The following PTPRD variants were observed in gnomAD, a reference collection of about 807,000 sequenced individuals.
The protein encoded by PTPRD is protein tyrosine phosphatase receptor type D.
Under a neutral mutation model 214.5 loss-of-function variants are expected in PTPRD, and 34 were observed. The observed-to-expected ratio is 0.16, with a 90% confidence interval of 0.12 to 0.21. The LOEUF is 0.21. PTPRD is among the 10% of genes least tolerant of loss of function. The pLI, the probability that PTPRD is intolerant of heterozygous loss-of-function variation, is 1.00. For missense variants in PTPRD, 2,545 were observed against 2,398.7 expected, an observed-to-expected ratio of 1.06 and a Z score of -1.27; for synonymous variants, 1,128 against 845.7, an observed-to-expected ratio of 1.33 and a Z score of -5.79.
At chr9:9,578,119 A>G (rs2154308659) in intron 7 of PTPRD, among the ~76,000 whole-genome samples, 1 of 151,766 alleles carries the variant, frequency 6.6e-6, no homozygotes, top group Non-Finnish European at 1.5e-5. Context: ...TTGAGGAACA[A>G]CCATTCAGAA....
intron 30 of PTPRD, among the ~76,000 whole-genome samples, chr9:8,480,216 C>T (rs1253465463): frequency 2.6e-5 from 4 of 152,162 alleles, no homozygotes; most frequent in Admixed American, 6.5e-5. Flanking sequence ...AATTGCTAGT[C>T]TTTCTCTTGC....
At chr9:9,575,340 GATTTA>G (rs2088126656) in intron 7 of PTPRD, among the ~76,000 whole-genome samples, 1 of 152,018 alleles carries the variant, frequency 6.6e-6, no homozygotes, top group South Asian at 2.1e-4. Context: ...TAAGATATTT[GATTTA>G]ATAATTATGC....
intron 10 of PTPRD, among the ~76,000 whole-genome samples, chr9:9,179,581 C>G (rs990760285): frequency 6.6e-6 from 1 of 152,078 alleles, no homozygotes. Flanking sequence ...ATTGATTAAG[C>G]ATCTATGGTT....
At chr9:9,506,321 C>T (rs565937528) in intron 8 of PTPRD, among the ~76,000 whole-genome samples, 1 of 151,310 alleles carries the variant, frequency 6.6e-6, no homozygotes, top group Non-Finnish European at 1.5e-5. Flanking sequence ...AGTAGAGGAC[C>T]TTTATCTTAA....
At chr9:9,519,766 A>G (rs1252912607) in intron 8 of PTPRD, among the ~76,000 whole-genome samples, 1 of 152,080 alleles carries the variant, frequency 6.6e-6, no homozygotes, top group Non-Finnish European at 1.5e-5. Flanking sequence ...TATTATCAAA[A>G]TGTTGATTCA....
intron 9 of PTPRD, among the ~76,000 whole-genome samples, chr9:9,360,987 A>G (rs956274961): frequency 1.3e-5 from 2 of 151,164 alleles, no homozygotes; most frequent in African/African-American, 2.4e-5. Flanking sequence ...TGCCAAATAG[A>G]GATGACTTGG....
intron 2 of PTPRD, among the ~76,000 whole-genome samples, chr9:10,394,910 A>G (rs942156): frequency 0.87 from 131,416 of 150,654 alleles, 57,336 homozygotes; most frequent in African/African-American, 0.91. Flanking sequence ...TGGATTTAAT[A>G]TGCATTTACT....
intron 8 of PTPRD, among the ~76,000 whole-genome samples, chr9:9,486,008 G>C (rs536464753): frequency 6.3e-4 from 95 of 151,806 alleles, no homozygotes; most frequent in South Asian, 1.5e-3. Context: ...AAAAATAGCA[G>C]GGCGTGGTGG....
chr9:9,646,778 T>C (rs2096196011), intron 7 of PTPRD, among the ~76,000 whole-genome samples: 1 of 152,082 alleles, frequency 6.6e-6, no homozygotes, highest in South Asian at 2.1e-4. Context: ...ATAATAAAGT[T>C]TAAAATTAGT....
intron 12 of PTPRD, among the ~76,000 whole-genome samples, chr9:8,685,477 G>C (rs184774503): frequency 2.0e-5 from 3 of 151,900 alleles, no homozygotes; most frequent in Admixed American, 2.0e-4. Flanking sequence ...GTGGGCAAAC[G>C]CTGCATGTAA....
intron 3 of PTPRD, among the ~76,000 whole-genome samples, chr9:10,064,062 C>T (rs1320222447): frequency 6.6e-6 from 1 of 151,538 alleles, no homozygotes; most frequent in South Asian, 2.1e-4. Context: ...AATGAATATC[C>T]TTCCTTTGTT....
chr9:9,090,926 G>T (rs932469711), intron 10 of PTPRD: 3 of 1,537,702 alleles, frequency 2.0e-6, no homozygotes, highest in African/African-American at 2.7e-5. Flanking sequence ...AACAATGGTC[G>T]TGCCAAAAAG....
chr9:10,444,866 T>C (rs1215223815), intron 2 of PTPRD, among the ~76,000 whole-genome samples: 1 of 151,984 alleles, frequency 6.6e-6, no homozygotes, highest in African/African-American at 2.4e-5. Flanking sequence ...AATTGTTTCA[T>C]GCATTACATG....
At chr9:10,568,239 A>C (rs922488205) in intron 2 of PTPRD, among the ~76,000 whole-genome samples, 15 of 151,372 alleles carry the variant, frequency 9.9e-5, no homozygotes, top group African/African-American at 3.1e-4. Flanking sequence ...TCCTTGTGAT[A>C]GTTTGCCAAG....
At chr9:9,935,670 C>A (rs1310416646) in intron 5 of PTPRD, among the ~76,000 whole-genome samples, 2 of 147,206 alleles carry the variant, frequency 1.4e-5, no homozygotes, top group Non-Finnish European at 2.9e-5. Context: ...TTTACAGATT[C>A]AATGCCATCC....
chr9:8,476,071 C>T (rs896788907), intron 30 of PTPRD, among the ~76,000 whole-genome samples: 1 of 152,202 alleles, frequency 6.6e-6, no homozygotes, highest in Non-Finnish European at 1.5e-5. Context: ...TCAGCTACAG[C>T]TTGATAGGCT....
intron 10 of PTPRD, among the ~76,000 whole-genome samples, chr9:9,133,865 T>C (rs554803172): frequency 6.6e-6 from 1 of 152,056 alleles, no homozygotes; most frequent in African/African-American, 2.4e-5. Context: ...ACAGTCCCAA[T>C]TTACCCAGAC....
intron 11 of PTPRD, among the ~76,000 whole-genome samples, chr9:8,757,823 G>C (rs1234622043): frequency 6.6e-6 from 1 of 151,880 alleles, no homozygotes; most frequent in East Asian, 1.9e-4. Flanking sequence ...TTAAACCTTT[G>C]CCATCAAAAT....
intron 5 of PTPRD, among the ~76,000 whole-genome samples, chr9:9,929,088 A>G (rs1429072353): frequency 6.6e-6 from 1 of 152,152 alleles, no homozygotes; most frequent in Non-Finnish European, 1.5e-5. Context: ...AATAGATACC[A>G]TATCTGTCCG....
Sources: allele counts gnomAD v4.1 joint callset (sites outside exome capture counted in the v4.1 genomes callset), GRCh38; gene constraint gnomAD v4.1.1; transcripts MANE v1.5; gene names NCBI Gene and HGNC (gene_info 2026-07-23, HGNC 2026-07-21).